ARHGAP31: variants seen among roughly 807,000 people sequenced by gnomAD.
ARHGAP31 encodes the protein Rho GTPase activating protein 31.
In ARHGAP31, 34 loss-of-function variants were observed where a neutral mutation model predicts 113.9. That is an observed-to-expected ratio of 0.30 (90% confidence interval 0.23 to 0.40). The LOEUF is 0.40. Ranked by LOEUF, ARHGAP31 falls within the 10% of genes least tolerant of loss-of-function variation. The pLI is 1.00. For missense variants in ARHGAP31, 1,548 were observed against 1,767.1 expected (o/e 0.88, Z 2.22); for synonymous variants, 650 against 684.8 (o/e 0.95, Z 0.79).
At chr3:119,326,317 CTT>C (rs2079843697) in intron 1 of ARHGAP31, among the ~76,000 whole-genome samples, 1 of 152,006 alleles carries the variant, frequency 6.6e-6, no homozygotes, top group African/African-American at 2.4e-5. Context: ...ACCTGTGGAT[CTT>C]GTTAAAATTA....
chr3:119,306,575 C>T (rs139058163), intron 1 of ARHGAP31, among the ~76,000 whole-genome samples: 41 of 152,164 alleles, frequency 2.7e-4, no homozygotes, highest in East Asian at 7.7e-4. Flanking sequence ...AGTTTTCAAA[C>T]GGGTATTTGC....
At chr3:119,347,482 G>A (rs946016282) in intron 1 of ARHGAP31, among the ~76,000 whole-genome samples, 41 of 152,196 alleles carry the variant, frequency 2.7e-4, no homozygotes, top group Non-Finnish European at 5.3e-4. Context: ...CAGGAGATGG[G>A]TCACCCCATG....
chr3:119,322,411 G>A (rs1271044918), intron 1 of ARHGAP31, among the ~76,000 whole-genome samples: 1 of 152,204 alleles, frequency 6.6e-6, no homozygotes, highest in Non-Finnish European at 1.5e-5. Flanking sequence ...GATTTTGTTC[G>A]TGGACTTGCC....
intron 8 of ARHGAP31, among the ~76,000 whole-genome samples, chr3:119,394,354 T>A (rs2080529605): frequency 6.6e-6 from 1 of 152,166 alleles, no homozygotes; most frequent in African/African-American, 2.4e-5. Flanking sequence ...ACCTGTCCCT[T>A]CTCCCCCAGG....
intron 1 of ARHGAP31, among the ~76,000 whole-genome samples, chr3:119,315,859 G>A (rs1246777815): frequency 1.3e-5 from 2 of 152,182 alleles, no homozygotes; most frequent in African/African-American, 4.8e-5. Flanking sequence ...CAGAGAACTT[G>A]CCAAAATGTT....
At chr3:119,340,509 A>T (rs1470349799) in intron 1 of ARHGAP31, among the ~76,000 whole-genome samples, 13 of 152,190 alleles carry the variant, frequency 8.5e-5, no homozygotes, top group Admixed American at 6.5e-5. Context: ...TGTCTTTGAA[A>T]ATTAGCACCC....
Position 119,330,856 on chromosome 3 carries a change from G to GT in ARHGAP31, c.101-34456dup, listed in dbSNP as rs566100286. 1.1e-4 allele frequency among the ~76,000 whole-genome samples: 16 copies of GT among 152,340 alleles called. No homozygotes were observed. The South Asian group carries it at 3.1e-3, about 30-fold the overall frequency. Reference sequence around the variant, plus strand: ...ACATATTACGCATAGGAACAGACCTGTTTTGTATATGTGCGATATATTTAT... The same window carrying GT: ...ACATATTACGCATAGGAACAGACCTGTTTTTGTATATGTGCGATATATTTAT... On this transcript the variant is annotated intron_variant, in intron 1 of 11. Coordinates refer to ENST00000264245, the MANE Select transcript of ARHGAP31 (RefSeq NM_020754.4).
intron 8 of ARHGAP31, among the ~76,000 whole-genome samples, chr3:119,398,329 C>G (rs554284225): frequency 2.0e-5 from 3 of 152,148 alleles, no homozygotes; most frequent in Non-Finnish European, 2.9e-5. Flanking sequence ...TGAGGTCACA[C>G]AGCCCAAAAG....
intron 1 of ARHGAP31, among the ~76,000 whole-genome samples, chr3:119,303,058 CA>C (rs2079599058): frequency 6.6e-6 from 1 of 152,206 alleles, no homozygotes. Context: ...CAGGTGTACC[CA>C]ATTTGTTATG....
At chr3:119,323,908 T>C (rs1028436491) in intron 1 of ARHGAP31, among the ~76,000 whole-genome samples, 53 of 152,348 alleles carry the variant, frequency 3.5e-4, no homozygotes, top group African/African-American at 1.3e-3. Context: ...GTTTCCACAT[T>C]TCCTGTCCTC....
chr3:119,405,657 A>C (rs1196897746), intron 10 of ARHGAP31, among the ~76,000 whole-genome samples: 2 of 152,194 alleles, frequency 1.3e-5, no homozygotes, highest in Non-Finnish European at 2.9e-5. Flanking sequence ...TTCTAGCTCC[A>C]AATAAAGAAG....
chr3:119,411,344 G>A (rs2080715126), intron 11 of ARHGAP31, among the ~76,000 whole-genome samples: 1 of 152,196 alleles, frequency 6.6e-6, no homozygotes, highest in African/African-American at 2.4e-5. Flanking sequence ...AAAGCTGGAG[G>A]TGTAGACTAG....
chr3:119,297,909 AAC>A (rs10575145), intron 1 of ARHGAP31, among the ~76,000 whole-genome samples: 4,705 of 142,474 alleles, frequency 0.033, 80 homozygotes, highest in East Asian at 0.079. Context: ...TTTCCTTAGA[AAC>A]ACACACACAC....
chr3:119,370,611 TGTC>T (rs2080290114), intron 3 of ARHGAP31, among the ~76,000 whole-genome samples: 1 of 152,126 alleles, frequency 6.6e-6, no homozygotes, highest in African/African-American at 2.4e-5. Flanking sequence ...CACACTCACT[TGTC>T]AGTACTACAT....
chr3:119,386,322 G>A (rs1206093790), intron 6 of ARHGAP31, among the ~76,000 whole-genome samples: 1 of 152,154 alleles, frequency 6.6e-6, no homozygotes, highest in Non-Finnish European at 1.5e-5. Context: ...TCTCACTTCT[G>A]GAGGCTGGGA....
At chr3:119,301,442 C>T (rs933632196) in intron 1 of ARHGAP31, among the ~76,000 whole-genome samples, 2 of 152,160 alleles carry the variant, frequency 1.3e-5, no homozygotes, top group South Asian at 4.1e-4. Flanking sequence ...ATGCTGTAAG[C>T]GGTGGACACA....
intron 1 of ARHGAP31, among the ~76,000 whole-genome samples, chr3:119,339,350 A>G (rs1050462744): frequency 2.0e-5 from 3 of 152,212 alleles, no homozygotes; most frequent in Admixed American, 2.0e-4. Context: ...CCCTAAGCTG[A>G]CTATAAGTTT....
chr3:119,348,177 G>A (rs1318192383), intron 1 of ARHGAP31, among the ~76,000 whole-genome samples: 1 of 152,190 alleles, frequency 6.6e-6, no homozygotes, highest in Non-Finnish European at 1.5e-5. Context: ...TAGGTTGCAG[G>A]CTCCTTGTGA....
chr3:119,303,043 A>AAAGT (rs1209885796), intron 1 of ARHGAP31, among the ~76,000 whole-genome samples: 9 of 152,256 alleles, frequency 5.9e-5, no homozygotes, highest in Non-Finnish European at 1.2e-4. Flanking sequence ...CCACTGCCTT[A>AAAGT]GGGTCAGGTG....
Sources: allele counts gnomAD v4.1 joint callset (sites outside exome capture counted in the v4.1 genomes callset), GRCh38; gene constraint gnomAD v4.1.1; transcripts MANE v1.5; gene names NCBI Gene and HGNC (gene_info 2026-07-23, HGNC 2026-07-21).